Variants in CIT observed in about 807,000 individuals in gnomAD.
The protein encoded by CIT is citron rho-interacting serine/threonine kinase, also known as citron Rho-interacting kinase.
A neutral mutation model predicts 272.7 loss-of-function variants in CIT; 79 were observed. That is an observed-to-expected ratio of 0.29 (90% CI 0.24 to 0.35). The LOEUF (loss-of-function observed/expected upper bound fraction) is 0.35, where lower values mean the gene tolerates loss of function less well. CIT is among the 10% of genes least tolerant of loss of function. The pLI is 1.00. For missense variants in CIT, 1,909 were observed against 2,618.3 expected, an observed-to-expected ratio of 0.73 and a Z score of 5.91; for synonymous variants, 948 against 995.6, an observed-to-expected ratio of 0.95 and a Z score of 0.90.
Position 119,713,125 on chromosome 12 carries a change from A to C in CIT, c.4579+78T>G. ...AGAAGGCTTGCAAGGCAGTCCAAAA[A>C]ACAAAGCCTTCGCGCCAGCACTGGG... On this transcript the variant is annotated intron_variant, in intron 35 of 47. Coordinates refer to ENST00000392521, the MANE Select transcript of CIT (RefSeq NM_001206999.2). This position sits in a 1 kb window ranked among gnomAD's most constrained non-coding sequence, Gnocchi z 5.2. 9.2e-7 allele frequency: 1 copy of C among 1,088,004 alleles called. No individual in the cohort carries two copies. The highest frequency in any genetic ancestry group is 1.4e-6 in the Non-Finnish European group (1 of 731,906). The allele number at this position is 1,088,004 out of a possible 1,614,324, so 67.4% of individuals were successfully genotyped here. A position where few individuals can be genotyped will look rare whatever the true frequency, so the allele number is the denominator to read the frequency against.
chr12:119,825,389 C>T (rs1968079885), intron 7 of CIT, 21 bp from the exon 8 acceptor site: 2 of 1,606,960 alleles, frequency 1.2e-6, no homozygotes, highest in South Asian at 1.1e-5. Flanking sequence ...ATCAATAAAA[C>T]GAATACAGCA....
intron 28 of CIT, among the ~76,000 whole-genome samples, chr12:119,725,426 A>AAAAAAT (rs970033837): frequency 1.3e-5 from 2 of 152,158 alleles, no homozygotes; most frequent in South Asian, 2.1e-4. Context: ...ACTCTGTCTC[A>AAAAAAT]AAAAATAAAA....
chr12:119,807,830 T>G (rs1280993992), intron 9 of CIT, among the ~76,000 whole-genome samples: 2 of 151,848 alleles, frequency 1.3e-5, no homozygotes, highest in African/African-American at 4.8e-5. Flanking sequence ...ACCCACCACA[T>G]TCACTAATGA....
intron 2 of CIT, among the ~76,000 whole-genome samples, chr12:119,873,671 A>G (rs1950751911): frequency 6.6e-6 from 1 of 152,176 alleles, no homozygotes; most frequent in African/African-American, 2.4e-5. Context: ...TTCATTTGTG[A>G]AAGATATGTC....
intron 9 of CIT, among the ~76,000 whole-genome samples, chr12:119,805,854 G>A (rs1206960051): frequency 6.6e-6 from 1 of 152,182 alleles, no homozygotes; most frequent in Admixed American, 6.5e-5. Context: ...GAAGAAGTAG[G>A]CCAGGCACAG....
chr12:119,702,056 C>A, intron 41 of CIT, 98 bp from the exon 42 acceptor site: 2 of 854,706 alleles, frequency 2.3e-6, no homozygotes, highest in East Asian at 2.5e-5. Flanking sequence ...TAGCCAAGCC[C>A]TGGAGAACAT....
At position 119,767,209 on chromosome 12, in the gene CIT, G is replaced by C. The variant is rs764324154; in HGVS notation, c.2209-27C>G. The C allele has an allele frequency of 2.6e-6, 4 of 1,564,220 alleles. No homozygotes were observed. The South Asian group carries it at 4.7e-5, about 18-fold the overall frequency. On this transcript the variant is annotated intron_variant, in intron 18 of 47. Coordinates refer to ENST00000392521, the MANE Select transcript of CIT (RefSeq NM_001206999.2). Reference sequence around the variant, plus strand: ...TAGACACAAAAGAAAAGACAGTCAGGTGTGCAGAGGGCAGGACACCGCCAA... The same window carrying C: ...TAGACACAAAAGAAAAGACAGTCAGCTGTGCAGAGGGCAGGACACCGCCAA...
intron 32 of CIT, among the ~76,000 whole-genome samples, chr12:119,715,388 G>T (rs999379793): frequency 6.6e-6 from 1 of 152,162 alleles, no homozygotes; most frequent in East Asian, 1.9e-4. Flanking sequence ...TACAACATGG[G>T]TGAACCTTGA....
chr12:119,851,288 G>GCA (rs1238243980), intron 4 of CIT, among the ~76,000 whole-genome samples: 1 of 152,158 alleles, frequency 6.6e-6, no homozygotes, highest in Non-Finnish European at 1.5e-5. Flanking sequence ...GTGAGTGCAC[G>GCA]CACATGTGTA....
At chr12:119,774,016 T>C (rs906490721) in intron 16 of CIT, among the ~76,000 whole-genome samples, 63 of 152,214 alleles carry the variant, frequency 4.1e-4, no homozygotes, top group African/African-American at 1.5e-3. Flanking sequence ...TGAATGCAAC[T>C]TTAGGACATT....
intron 8 of CIT, 121 bp downstream of exon 8, chr12:119,825,044 C>T: frequency 1.4e-6 from 1 of 734,322 alleles, no homozygotes; most frequent in East Asian, 2.7e-5. Context: ...TCGTGATCCA[C>T]CCACCTCGGC....
At chr12:119,865,085 C>A (rs1415393314) in intron 3 of CIT, among the ~76,000 whole-genome samples, 5 of 152,190 alleles carry the variant, frequency 3.3e-5, no homozygotes, top group African/African-American at 1.2e-4. Context: ...AGAAAACACA[C>A]TAATGTAATC....
chr12:119,824,847 G>A (rs1001572505), intron 8 of CIT, among the ~76,000 whole-genome samples: 1 of 152,168 alleles, frequency 6.6e-6, no homozygotes, highest in Admixed American at 6.5e-5. Flanking sequence ...CCAGGCTGCT[G>A]TAGTACAGCG....
intron 12 of CIT, chr12:119,782,917 G>A: frequency 3.4e-6 from 1 of 295,536 alleles, no homozygotes; most frequent in Non-Finnish European, 6.4e-6. Context: ...ATACTTACTT[G>A]CATGTTCAGG....
intron 2 of CIT, among the ~76,000 whole-genome samples, chr12:119,871,527 T>C (rs1950678434): frequency 6.6e-6 from 1 of 152,058 alleles, no homozygotes; most frequent in Admixed American, 6.6e-5. Flanking sequence ...TGAATTAGAA[T>C]TTTCCAGACT....
intron 10 of CIT, among the ~76,000 whole-genome samples, chr12:119,800,524 C>T (rs1333852028): frequency 6.6e-6 from 1 of 152,222 alleles, no homozygotes; most frequent in Non-Finnish European, 1.5e-5. Context: ...AAAAACTCCT[C>T]GTTCATTCAG....
chr12:119,762,988 T>C (rs1402551503), intron 19 of CIT, among the ~76,000 whole-genome samples: 2 of 152,132 alleles, frequency 1.3e-5, no homozygotes, highest in South Asian at 2.1e-4. Context: ...CGAAGCCTCA[T>C]TGAGCTATGA....
At chr12:119,864,955 G>A (rs1231879606) in intron 3 of CIT, among the ~76,000 whole-genome samples, 1 of 152,056 alleles carries the variant, frequency 6.6e-6, no homozygotes. Context: ...AGTCCCCAAA[G>A]AAAATCTCCA....
intron 28 of CIT, among the ~76,000 whole-genome samples, chr12:119,726,127 A>C (rs2137180308): frequency 6.6e-6 from 1 of 152,262 alleles, no homozygotes; most frequent in Non-Finnish European, 1.5e-5. Flanking sequence ...TGTATAGTTC[A>C]GTGGCATTAA....
Sources: allele counts gnomAD v4.1 joint callset (sites outside exome capture counted in the v4.1 genomes callset), GRCh38; gene constraint gnomAD v4.1.1; non-coding constraint Gnocchi (gnomAD v3.1); transcripts MANE v1.5; gene names NCBI Gene and HGNC (gene_info 2026-07-23, HGNC 2026-07-21).